Variants in SEC31B observed in about 807,000 individuals in gnomAD.
SEC31B encodes the protein SEC31 homolog B, COPII component.
SEC31B carries 113 observed loss-of-function variants against 135.0 expected under a neutral mutation model. That is an observed-to-expected ratio of 0.84 (90% CI 0.72 to 0.98). The LOEUF is 0.98. SEC31B is among the 50% of genes least tolerant of loss of function. The probability of loss-of-function intolerance (pLI) is 0.00; values close to 1 mark genes in which losing one functional copy is unlikely to be tolerated. For synonymous variants in SEC31B, 508 were observed against 549.4 expected (o/e 0.92, Z 1.05); for missense variants, 1,296 against 1,421.1 (o/e 0.91, Z 1.42).
intron 14 of SEC31B, 22 bp from the exon 15 acceptor site, chr10:100,498,229 G>A (rs749155601): frequency 3.1e-6 from 5 of 1,613,122 alleles, no homozygotes; most frequent in Non-Finnish European, 8.5e-7. Flanking sequence ...AGCATCCCCT[G>A]TGCATTAGTT....
intron 9 of SEC31B, chr10:100,505,759 T>C: frequency 7.1e-7 from 1 of 1,413,908 alleles, no homozygotes; most frequent in South Asian, 1.6e-5. Flanking sequence ...AAGATAAGAG[T>C]CATACTCTTG....
rs760930588 is a variant in SEC31B at position 100,509,442 on chromosome 10, G to A, written c.273C>T (p.Gly91=). Residue 91 remains glycine (G), a synonymous_variant, in exon 4 of 26, where the codon GGC becomes GGT. Coordinates refer to ENST00000370345, the MANE Select transcript of SEC31B (RefSeq NM_015490.4). The part of the protein sequence containing the change: ...LLESSGVIVG[G]GDNGMLILYN... ...ATAGAATAAGCATGCCATTGTCCCCGCCGCCAACAATAACCCCGGAGCTTT... is the reference window on the plus strand; with the variant it reads ...ATAGAATAAGCATGCCATTGTCCCCACCGCCAACAATAACCCCGGAGCTTT... The A allele has an allele frequency of 3.9e-5, 63 of 1,613,936 alleles. No homozygotes were observed. Among genetic ancestry groups the A allele is most frequent in the South Asian group, 2.2e-4 (20 of 91,084 alleles).
chr10:100,505,669 T>C (rs1016126672), intron 9 of SEC31B, 174 bp from the exon 10 acceptor site: 2 of 1,420,628 alleles, frequency 1.4e-6, no homozygotes, highest in Non-Finnish European at 9.1e-7. Flanking sequence ...GGGACTCCCA[T>C]GCAAGTAGGC....
intron 19 of SEC31B, among the ~76,000 whole-genome samples, chr10:100,491,318 A>G (rs1180967508): frequency 1.1e-4 from 16 of 152,238 alleles, no homozygotes; most frequent in Admixed American, 1.0e-3. Flanking sequence ...TCACTGGAGA[A>G]TTTCACCAGT....
At chr10:100,489,665 G>T in intron 22 of SEC31B, 38 bp downstream of exon 22, 1 of 1,613,984 alleles carries the variant, frequency 6.2e-7, no homozygotes, top group African/African-American at 1.3e-5. Flanking sequence ...GGTCATTGGT[G>T]AATGTGCGAG....
Position 100,509,339 on chromosome 10 carries a change from C to T in SEC31B, c.376G>A (p.Ala126Thr). 2 of 1,613,752 alleles carry T rather than the reference C, an allele frequency of 1.2e-6. No individual in the cohort carries two copies. Among genetic ancestry groups the T allele is most frequent in the Non-Finnish European group, 1.7e-6 (2 of 1,179,994 alleles). The stretch of plus-strand genomic sequence containing the variant: ...ACCTGGAAAGGATTCAAGTCGAGGG[C>T]TCTGACAGCCCCCGTGTGCTTCTGT... The part of the protein sequence containing the change: ...QKQKHTGAVR[A>T]LDLNPFQGNL... The change falls in exon 4 of 26, where the codon GCC (alanine) becomes ACC (threonine). Residue 126 changes from alanine to threonine, a missense_variant. By Grantham distance (58) the Ala-to-Thr change is moderately conservative. Coordinates refer to ENST00000370345, the MANE Select transcript of SEC31B (RefSeq NM_015490.4).
rs1341326356 is a variant in SEC31B at position 100,505,436 on chromosome 10, C to T, written c.1104G>A (p.Val368=). The T allele has an allele frequency of 6.3e-7, 1 of 1,599,194 alleles. No individual in the cohort carries two copies. The highest frequency in any genetic ancestry group is 1.7e-5 in the Admixed American group (1 of 58,900). The change falls in exon 10 of 26, where the codon GTG becomes GTA. Residue 368 remains valine, a synonymous_variant. Transcript: ENST00000370345. ...PLPPLQVPEQ[V]AQAPLIPPLK... Reference sequence around the variant, plus strand: ...GGGGAGGTATCAGTGGTGCTTGTGCCACTTGCTCTGGCACCTGCAGTGGTG... The same window carrying T: ...GGGGAGGTATCAGTGGTGCTTGTGCTACTTGCTCTGGCACCTGCAGTGGTG...
Position 100,490,324 on chromosome 10 carries a change from T to C in SEC31B, c.2651-2A>G. 1 of 1,611,392 alleles carries C rather than the reference T, an allele frequency of 6.2e-7. No homozygotes were observed. Among genetic ancestry groups the C allele is most frequent in the Non-Finnish European group, 8.5e-7 (1 of 1,178,738 alleles). ...CTAATAGCTGTGGCTGAGATGAAGC[T>C]GAAGCAGAACAGAAATAGGTCATTT... On this transcript the variant is annotated splice_acceptor_variant, in intron 20 of 25. Transcript: ENST00000370345. LOFTEE classifies it high-confidence loss of function.
In SEC31B at chr10:100,498,824, G is replaced by C; in HGVS notation, c.1585-20C>G. ...GGAGGCCTGTATGAGGAAGGACAGA[G>C]GTGACTACTTAGGGATGAACCCAAG... On this transcript the variant is annotated intron_variant, in intron 13 of 25. Transcript: ENST00000370345. 6.4e-7 allele frequency: 1 copy of C among 1,570,800 alleles called. No individual in the cohort carries two copies. Among genetic ancestry groups the C allele is most frequent in the East Asian group, 2.2e-5 (1 of 44,710 alleles).
intron 1 of SEC31B, among the ~76,000 whole-genome samples, chr10:100,518,714 G>T (rs753299458): frequency 6.6e-5 from 10 of 152,192 alleles, no homozygotes; most frequent in Non-Finnish European, 1.5e-5. Context: ...GAAAGCTTGG[G>T]ACCTACTGTG....
At position 100,505,360 on chromosome 10, in the gene SEC31B, C is replaced by G. The variant is rs761091063; in HGVS notation, c.1179+1G>C. ...CACACCTATACATCCACTACACTTA[C>G]AGCAAATGAAACACCTGTTGGTCTT... On this transcript the variant is annotated splice_donor_variant, in intron 10 of 25. Transcript: ENST00000370345. LOFTEE classifies it high-confidence loss of function. 6.2e-7 allele frequency: 1 copy of G among 1,613,370 alleles called. No individual in the cohort carries two copies. The highest frequency in any genetic ancestry group is 2.2e-5 in the East Asian group (1 of 44,816).
Position 100,490,853 on chromosome 10 carries a change from A to G in SEC31B, c.2503T>C (p.Phe835Leu). The change falls in exon 20 of 26, where the codon TTC (phenylalanine) becomes CTC (leucine). Residue 835 changes from phenylalanine to leucine, a missense_variant. By Grantham distance (22) the Phe-to-Leu change is conservative. Transcript: ENST00000370345. ...ATCGCTGGTGATGACTGAGGGGTGA[A>G]AACCCTTGGCCTTGGAGATGGAGTT... is the stretch of plus-strand genomic sequence containing the variant. ...VPTPSPRPRV[F>L]TPQSSPAMPL... The G allele has an allele frequency of 6.4e-7, 1 of 1,566,518 alleles. No individual in the cohort carries two copies. The highest frequency in any genetic ancestry group is 8.7e-7 in the Non-Finnish European group (1 of 1,150,302).
chr10:100,495,359 A>G, intron 19 of SEC31B, 26 bp downstream of exon 19: 1 of 1,604,216 alleles, frequency 6.2e-7, no homozygotes, highest in South Asian at 1.1e-5. Context: ...TTGAATGAAC[A>G]AATGAATGAA....
At chr10:100,487,993 A>T (rs1296036543) in intron 25 of SEC31B, 34 bp downstream of exon 25, 3 of 1,600,478 alleles carry the variant, frequency 1.9e-6, no homozygotes, top group Non-Finnish European at 2.6e-6. Flanking sequence ...GTGGAAGTGT[A>T]GGAGGCAGTG....
chr10:100,516,323 A>C, intron 2 of SEC31B, 104 bp from the exon 3 acceptor site: 1 of 1,330,704 alleles, frequency 7.5e-7, no homozygotes, highest in Non-Finnish European at 1.0e-6. Flanking sequence ...AGGGCTGGGT[A>C]TACCCTTTCT....
In SEC31B at chr10:100,487,007, T is replaced by A. The variant is rs546262614; in HGVS notation, c.*609A>T. The A allele has an allele frequency of 6.5e-5, 10 of 153,116 alleles. No individual in the cohort carries two copies. The highest frequency in any genetic ancestry group is 1.9e-4 in the African/African-American group (8 of 41,578). The allele number at this position is 153,116 out of a possible 1,614,324, so 9.5% of individuals were successfully genotyped here. ...TCCATCCAACCTAGCCCACCCTTAATAATGCCGGCAGATGAGAAATTCCAT... is the reference window on the plus strand; with the variant it reads ...TCCATCCAACCTAGCCCACCCTTAAAAATGCCGGCAGATGAGAAATTCCAT... On this transcript the variant is annotated 3_prime_UTR_variant, in exon 26 of 26. Transcript: ENST00000370345.
rs200468060 is a variant in SEC31B at position 100,508,994 on chromosome 10, G to T, written c.495+13C>A. On this transcript the variant is annotated intron_variant, in intron 5 of 25. Transcript: ENST00000370345. ...TGCACACTCCAGGGTTGGGTAGTGG[G>T]GGTGCTGCTCACCTGTGACTTGGAT... 36 of 1,602,708 alleles carry T rather than the reference G, an allele frequency of 2.2e-5. No individual in the cohort carries two copies. The highest frequency in any genetic ancestry group is 1.5e-5 in the Non-Finnish European group (18 of 1,169,878).
chr10:100,487,998 G>T lies in SEC31B; in HGVS notation c.3360+29C>A, dbSNP rs751059580. The T allele has an allele frequency of 1.2e-6, 2 of 1,602,412 alleles. 1 individual carries two copies. The highest frequency in any genetic ancestry group is 2.2e-5 in the South Asian group (2 of 90,736). Reference sequence around the variant, plus strand: ...CATGGTGATGGTGGAAGTGTAGGAGGCAGTGGGAGCACAGCTAGCTGTACT... The same window carrying T: ...CATGGTGATGGTGGAAGTGTAGGAGTCAGTGGGAGCACAGCTAGCTGTACT... On this transcript the variant is annotated intron_variant, in intron 25 of 25. Coordinates refer to ENST00000370345, the MANE Select transcript of SEC31B (RefSeq NM_015490.4).
In SEC31B at chr10:100,509,296, G is replaced by A. The variant is rs757363996; in HGVS notation, c.399+20C>T. 6.2e-7 allele frequency: 1 copy of A among 1,608,792 alleles called. No homozygotes were observed. The highest frequency in any genetic ancestry group is 1.3e-5 in the African/African-American group (1 of 74,842). Reference sequence around the variant, plus strand: ...GTTGCTCCCTGGCTTGGCCATGTTTGACTAACTGAAATGTAGTACCTGGAA... The same window carrying A: ...GTTGCTCCCTGGCTTGGCCATGTTTAACTAACTGAAATGTAGTACCTGGAA... On this transcript the variant is annotated intron_variant, in intron 4 of 25. Transcript: ENST00000370345.
Sources: gnomAD v4.1 joint callset for allele counts (sites outside exome capture counted in the v4.1 genomes callset) on GRCh38, gnomAD v4.1.1 for gene constraint, MANE v1.5 for transcripts, NCBI Gene and HGNC (gene_info 2026-07-23, HGNC 2026-07-21) for gene names.